Variants in MEIS2 observed in about 807,000 individuals in gnomAD.
MEIS2 encodes the protein Meis homeobox 2.
In MEIS2, 9 loss-of-function variants were observed where a neutral mutation model predicts 58.6. The ratio of observed to expected loss-of-function variants is 0.15; its 90% CI spans 0.09 to 0.27. The LOEUF is 0.27. Ranked by LOEUF, MEIS2 falls within the 10% of genes least tolerant of loss-of-function variation. The probability of loss-of-function intolerance (pLI) is 1.00; values close to 1 mark genes in which losing one functional copy is unlikely to be tolerated. For synonymous variants in MEIS2, 221 were observed against 228.4 expected (o/e 0.97, Z 0.29); for missense variants, 427 against 635.0 (o/e 0.67, Z 3.52).
chr15:36,991,253 C>G (rs2060262253), intron 8 of MEIS2, among the ~76,000 whole-genome samples: 3 of 43,956 alleles, frequency 6.8e-5, no homozygotes, highest in Admixed American at 1.2e-4. Flanking sequence ...AGATTTTTCT[C>G]TCTTTTTTTT....
At chr15:36,965,131 A>G (rs1490110015) in intron 8 of MEIS2, among the ~76,000 whole-genome samples, 1 of 152,192 alleles carries the variant, frequency 6.6e-6, no homozygotes, top group East Asian at 1.9e-4. Context: ...TATGTTGAAA[A>G]TCCATGAGGC....
chr15:36,942,711 T>G (rs1464177661), intron 9 of MEIS2, among the ~76,000 whole-genome samples: 1 of 152,050 alleles, frequency 6.6e-6, no homozygotes, highest in Non-Finnish European at 1.5e-5. Flanking sequence ...GAGAGTGAAT[T>G]TTTGGAAAGA....
chr15:36,984,385 A>G (rs2060029476), intron 8 of MEIS2, among the ~76,000 whole-genome samples: 2 of 152,040 alleles, frequency 1.3e-5, no homozygotes, highest in South Asian at 4.1e-4. Flanking sequence ...TTAATGTTGT[A>G]TGTCACATTT....
chr15:36,916,731 C>A (rs1037623527), intron 9 of MEIS2, among the ~76,000 whole-genome samples: 1 of 152,120 alleles, frequency 6.6e-6, no homozygotes, highest in African/African-American at 2.4e-5. Flanking sequence ...CTGCGCACAG[C>A]CAACAAAATT....
At chr15:36,960,822 C>G (rs1466436067) in intron 8 of MEIS2, among the ~76,000 whole-genome samples, 4 of 152,038 alleles carry the variant, frequency 2.6e-5, no homozygotes, top group African/African-American at 9.7e-5. Flanking sequence ...ACCAGTCTAC[C>G]ACAAAATATG....
At chr15:37,021,797 A>C (rs577645690) in intron 8 of MEIS2, among the ~76,000 whole-genome samples, 1 of 152,170 alleles carries the variant, frequency 6.6e-6, no homozygotes, top group African/African-American at 2.4e-5. Context: ...TGTCACCTAG[A>C]TCTCCCTACC....
rs1345341997 is a variant in MEIS2, at chr15:36,978,100, G to T, written c.901-27700C>A. On this transcript the variant is annotated intron_variant, in intron 8 of 11. Transcript: ENST00000561208. ...ATTAAATGTACCTCCTCTGCATTTG[G>T]TAAGATGATACATTATAAACAAAAA... Among the ~76,000 whole-genome samples the T allele has an allele frequency of 6.6e-5, 10 of 152,272 alleles. No homozygotes were observed. In the South Asian group the frequency reaches 8.3e-4, roughly 13 times the overall value.
intron 9 of MEIS2, among the ~76,000 whole-genome samples, chr15:36,949,869 T>C (rs1158658715): frequency 6.6e-6 from 1 of 151,938 alleles, no homozygotes; most frequent in Non-Finnish European, 1.5e-5. Flanking sequence ...TAAATAAATT[T>C]CTATTAGGAG....
intron 9 of MEIS2, among the ~76,000 whole-genome samples, chr15:36,915,424 T>A (rs984697992): frequency 6.6e-6 from 1 of 152,164 alleles, no homozygotes; most frequent in African/African-American, 2.4e-5. Flanking sequence ...GGGATTTAGT[T>A]TCTTCTTGCC....
chr15:36,990,753 T>G (rs2141551143), intron 8 of MEIS2, among the ~76,000 whole-genome samples: 1 of 152,076 alleles, frequency 6.6e-6, no homozygotes, highest in African/African-American at 2.4e-5. Context: ...AAGCAAAAAC[T>G]TAACATTTTT....
rs1012555987 is a variant in MEIS2, at chr15:36,890,802, A to C, written c.*1371T>G. ...TGAGCATGTTCAAGGGGATCTTTCA[A>C]CCTGGCTCATCATGTACACATAGTT... On this transcript the variant is annotated 3_prime_UTR_variant, in exon 12 of 12. Coordinates refer to ENST00000561208, the MANE Select transcript of MEIS2 (RefSeq NM_170675.5). 7 of 152,274 alleles carry C rather than the reference A, an allele frequency of 4.6e-5. No individual in the cohort carries two copies. The highest frequency in any genetic ancestry group is 4.1e-4 in the South Asian group (2 of 4,820). 9.4% of individuals were successfully genotyped at this position (152,274 alleles called of 1,614,324 possible).
At chr15:36,920,369 A>T (rs1567053120) in intron 9 of MEIS2, among the ~76,000 whole-genome samples, 1 of 152,010 alleles carries the variant, frequency 6.6e-6, no homozygotes, top group Admixed American at 6.6e-5. Context: ...TTGGTCTCGA[A>T]CTCCCGACCT....
intron 9 of MEIS2, among the ~76,000 whole-genome samples, chr15:36,925,848 G>A (rs1448798053): frequency 1.3e-5 from 2 of 152,074 alleles, no homozygotes; most frequent in Non-Finnish European, 2.9e-5. Context: ...CTCGTTTGCC[G>A]CTGCTCATTA....
At chr15:36,907,180 A>G (rs1317982600) in intron 9 of MEIS2, among the ~76,000 whole-genome samples, 5 of 152,230 alleles carry the variant, frequency 3.3e-5, no homozygotes, top group African/African-American at 1.2e-4. Flanking sequence ...CCAGGTAGTG[A>G]CAACTAATTT....
In MEIS2 at chr15:36,892,249, G is replaced by C; in HGVS notation, c.1358C>G (p.Ser453Ter). The change falls in exon 12 of 12, where the codon TCA becomes TGA. Residue 453 changes from serine (S) to a stop codon, truncating the protein, a stop_gained. Transcript: ENST00000561208. LOFTEE classifies it high-confidence loss of function. Reference sequence around the variant, plus strand: ...ATTTAACATTGTGGGGCTCTGTGCTGACATAGTCATTCCAGGGTGGGTAGG... The same window carrying C: ...ATTTAACATTGTGGGGCTCTGTGCTCACATAGTCATTCCAGGGTGGGTAGG... ...GPPTHPGMTM[S>*]AQSPTMLNSV... 6.2e-7 allele frequency: 1 copy of C among 1,614,130 alleles called. No individual in the cohort carries two copies. The highest frequency in any genetic ancestry group is 2.2e-5 in the East Asian group (1 of 44,882).
intron 9 of MEIS2, among the ~76,000 whole-genome samples, chr15:36,943,785 A>T (rs2058460301): frequency 6.6e-6 from 1 of 152,114 alleles, no homozygotes; most frequent in Non-Finnish European, 1.5e-5. Flanking sequence ...AAAAGCACAA[A>T]GGAGCTGGTA....
intron 8 of MEIS2, among the ~76,000 whole-genome samples, chr15:36,953,339 G>A (rs923661257): frequency 7.9e-5 from 12 of 152,146 alleles, no homozygotes; most frequent in Non-Finnish European, 1.5e-4. Flanking sequence ...CTTCTTTGAT[G>A]TATATTACTA....
intron 1 of MEIS2, chr15:37,098,972 A>G: frequency 4.1e-6 from 4 of 985,202 alleles, no homozygotes; most frequent in Non-Finnish European, 3.6e-6. Flanking sequence ...AGCCCAGGCT[A>G]GTAGTCTAGG....
chr15:36,974,316 C>A (rs941606321), intron 8 of MEIS2, among the ~76,000 whole-genome samples: 1 of 152,060 alleles, frequency 6.6e-6, no homozygotes. Flanking sequence ...TTCTTTCCAT[C>A]GAGCCACAGA....
Sources: allele counts gnomAD v4.1 joint callset (sites outside exome capture counted in the v4.1 genomes callset), GRCh38; gene constraint gnomAD v4.1.1; transcripts MANE v1.5; gene names NCBI Gene and HGNC (gene_info 2026-07-23, HGNC 2026-07-21).